The following AP2B1 variants were observed in gnomAD, a reference collection of about 807,000 sequenced individuals.
AP2B1 encodes the protein adaptor related protein complex 2 subunit beta 1.
A neutral mutation model predicts 102.0 loss-of-function variants in AP2B1; 23 were observed. The ratio of observed to expected loss-of-function variants is 0.23; its 90% CI spans 0.16 to 0.32. AP2B1 has a LOEUF of 0.32. Ranked by LOEUF, AP2B1 falls within the 10% of genes least tolerant of loss-of-function variation. The pLI, the probability that AP2B1 is intolerant of heterozygous loss-of-function variation, is 1.00. For missense variants in AP2B1, 541 were observed against 1,157.4 expected (o/e 0.47, Z 7.73); for synonymous variants, 381 against 421.2 (o/e 0.90, Z 1.17).
At chr17:35,656,352 C>G (rs945347113) in intron 13 of AP2B1, among the ~76,000 whole-genome samples, 7 of 152,146 alleles carry the variant, frequency 4.6e-5, no homozygotes, top group Admixed American at 3.9e-4. Flanking sequence ...TTTGTCCTAC[C>G]TAGTCCTTTT....
Position 35,674,218 on chromosome 17 carries a change from G to A in AP2B1, c.2221G>A (p.Gly741Arg), listed in dbSNP as rs1473879610. 6.2e-7 allele frequency: 1 copy of A among 1,614,116 alleles called. No individual in the cohort carries two copies. Among genetic ancestry groups the A allele is most frequent in the Non-Finnish European group, 8.5e-7 (1 of 1,180,006 alleles). Reference protein sequence around the residue: ...AVKAKGLEISGTFTHRQGHIY... With the variant: ...AVKAKGLEISRTFTHRQGHIY... ...AAAGGCTAAAGGCTTGGAGATTTCC[G>A]GAACATTTACTCACCGCCAAGGGCA... Residue 741 changes from glycine (G) to arginine (R), a missense_variant, in exon 17 of 22, where the codon GGA (glycine) becomes AGA (arginine). By Grantham distance (125) the Gly-to-Arg change is moderately radical. This residue lies in a region of AP2B1 where 62 missense variants were observed against 87.6 expected (regional missense o/e 0.71). Coordinates refer to ENST00000610402, the MANE Select transcript of AP2B1 (RefSeq NM_001030006.2).
intron 5 of AP2B1, among the ~76,000 whole-genome samples, chr17:35,620,753 A>G (rs897038977): frequency 3.3e-5 from 5 of 152,114 alleles, no homozygotes; most frequent in Non-Finnish European, 5.9e-5. Context: ...GGAGTTTGAG[A>G]TTACAGTGAG....
chr17:35,645,001 C>T (rs2074887475), intron 12 of AP2B1, among the ~76,000 whole-genome samples: 1 of 150,758 alleles, frequency 6.6e-6, no homozygotes, highest in South Asian at 2.1e-4. Flanking sequence ...CACTGCACTC[C>T]AGGCTGGGTA....
intron 20 of AP2B1, among the ~76,000 whole-genome samples, chr17:35,715,109 G>A (rs587683480): frequency 1.3e-5 from 2 of 152,214 alleles, no homozygotes; most frequent in East Asian, 1.9e-4. Flanking sequence ...TATAAAAATC[G>A]AATCACACAT....
intron 18 of AP2B1, among the ~76,000 whole-genome samples, chr17:35,705,318 A>G (rs899877221): frequency 5.3e-5 from 8 of 152,152 alleles, no homozygotes; most frequent in South Asian, 4.1e-4. Flanking sequence ...AGAGATGACA[A>G]TTTACCAAGG....
chr17:35,614,423 A>G (rs1225686730), intron 5 of AP2B1, among the ~76,000 whole-genome samples: 1 of 151,972 alleles, frequency 6.6e-6, no homozygotes, highest in Non-Finnish European at 1.5e-5. Flanking sequence ...CTCCTAGCTT[A>G]AAGCAGGCCT....
intron 12 of AP2B1, among the ~76,000 whole-genome samples, chr17:35,649,926 G>A (rs151022757): frequency 7.5e-4 from 114 of 151,668 alleles, no homozygotes; most frequent in African/African-American, 2.5e-3. Flanking sequence ...TCTACACCCC[G>A]CCCTGATAAT....
rs1449785482 is a variant in AP2B1 at position 35,634,753 on chromosome 17, A to G, written c.1156-1588A>G. 2.6e-5 allele frequency among the ~76,000 whole-genome samples: 4 copies of G among 152,324 alleles called. No homozygotes were observed. The South Asian group carries it at 6.2e-4, about 24-fold the overall frequency. ...TGTGTAACTTTGAAAATGTAATGGA[A>G]GTTGTAGACCCACTCACTGGAAAAT... On this transcript the variant is annotated intron_variant, in intron 9 of 21. Transcript: ENST00000610402.
chr17:35,649,034 C>T (rs1043485944), intron 12 of AP2B1, among the ~76,000 whole-genome samples: 2 of 152,084 alleles, frequency 1.3e-5, no homozygotes, highest in Non-Finnish European at 2.9e-5. Context: ...CTCTCTTTAG[C>T]AGTTTTTGAT....
intron 6 of AP2B1, among the ~76,000 whole-genome samples, 197 bp from the exon 7 acceptor site, chr17:35,626,424 C>G (rs774035794): frequency 5.9e-5 from 9 of 152,078 alleles, no homozygotes; most frequent in Admixed American, 4.6e-4. Flanking sequence ...TATGTCCCTG[C>G]TCTGCCTGTA....
chr17:35,620,663 G>A (rs1192887120), intron 5 of AP2B1, among the ~76,000 whole-genome samples: 1 of 151,912 alleles, frequency 6.6e-6, no homozygotes, highest in Non-Finnish European at 1.5e-5. Context: ...ATTTAATTAA[G>A]AAACTTGACT....
In AP2B1 at chr17:35,638,231, C is replaced by T. The variant is rs547965618; in HGVS notation, c.1272-1364C>T. ...GTTTATGGTTAATAAAGAGTTAGGA[C>T]GGTTTATGTTTAAGAAAGCAATCAA... On this transcript the variant is annotated intron_variant, in intron 10 of 21. Coordinates refer to ENST00000610402, the MANE Select transcript of AP2B1 (RefSeq NM_001030006.2). Among the ~76,000 whole-genome samples the T allele has an allele frequency of 7.4e-4, 113 of 152,124 alleles. 1 individual carries two copies. The highest frequency in any genetic ancestry group is 9.4e-4 in the Non-Finnish European group (64 of 68,006).
Position 35,622,425 on chromosome 17 carries a change from A to G in AP2B1, c.526-1972A>G, listed in dbSNP as rs530402463. On this transcript the variant is annotated intron_variant, in intron 5 of 21. Transcript: ENST00000610402. The stretch of plus-strand genomic sequence containing the variant: ...ACATTTATCTTCTAGATAAAATCAT[A>G]TGCTGGGATAATCTGAAGATTACAC... Among the ~76,000 whole-genome samples, 13 of 152,328 alleles carry G rather than the reference A, an allele frequency of 8.5e-5. No individual in the cohort carries two copies. In the South Asian group the frequency reaches 2.7e-3, roughly 32 times the overall value.
At chr17:35,679,628 T>G (rs1277773292) in intron 17 of AP2B1, among the ~76,000 whole-genome samples, 1 of 152,144 alleles carries the variant, frequency 6.6e-6, no homozygotes, top group Admixed American at 6.6e-5. Context: ...TTATAGGGAC[T>G]TTTTCCCCCT....
intron 18 of AP2B1, among the ~76,000 whole-genome samples, chr17:35,687,128 A>T (rs587695016): frequency 1.4e-4 from 22 of 151,752 alleles, no homozygotes; most frequent in South Asian, 4.2e-4. Flanking sequence ...TTATTTATTT[A>T]TTTTTTTTGA....
chr17:35,606,554 T>A (rs2073682547), intron 4 of AP2B1, among the ~76,000 whole-genome samples: 1 of 152,094 alleles, frequency 6.6e-6, no homozygotes, highest in African/African-American at 2.4e-5. Context: ...TAATTTTTTT[T>A]AATGGAAAAT....
chr17:35,598,137 C>T, intron 2 of AP2B1, 93 bp from the exon 3 acceptor site: 1 of 525,118 alleles, frequency 1.9e-6, no homozygotes, highest in South Asian at 5.6e-5. Context: ...TAGTTGCTGC[C>T]CTGCTATCCT....
intron 10 of AP2B1, among the ~76,000 whole-genome samples, chr17:35,636,769 G>T (rs1027956764): frequency 6.6e-6 from 1 of 152,124 alleles, no homozygotes; most frequent in Non-Finnish European, 1.5e-5. Context: ...GGTTGTTCAG[G>T]CATAATCTCA....
At chr17:35,632,188 C>T (rs1021357037) in intron 9 of AP2B1, among the ~76,000 whole-genome samples, 1 of 151,442 alleles carries the variant, frequency 6.6e-6, no homozygotes, top group African/African-American at 2.4e-5. Flanking sequence ...GGCTGGAGTG[C>T]AAATGGCGCA....
Sources: allele counts gnomAD v4.1 joint callset (sites outside exome capture counted in the v4.1 genomes callset), GRCh38; gene constraint gnomAD v4.1.1; regional missense constraint gnomAD v4.1.1; transcripts MANE v1.5; gene names NCBI Gene and HGNC (gene_info 2026-07-23, HGNC 2026-07-21).